The following PARL variants were observed in gnomAD, a reference collection of about 807,000 sequenced individuals.
PARL encodes presenilin-associated rhomboid-like protein, mitochondrial.
Under a neutral mutation model 51.6 loss-of-function variants are expected in PARL, and 44 were observed. That is an observed-to-expected ratio of 0.85 (90% CI 0.67 to 1.10). The LOEUF is 1.10. Among genes scored for constraint, PARL ranks in the 50% least tolerant of loss-of-function variants. The pLI is 0.00. For synonymous variants in PARL, 172 were observed against 164.0 expected (o/e 1.05, Z -0.37); for missense variants, 441 against 469.5 (o/e 0.94, Z 0.56).
At chr3:183,879,633 A>C in intron 1 of PARL, 1 of 504,204 alleles carries the variant, frequency 2.0e-6, no homozygotes, top group Non-Finnish European at 2.6e-6. Context: ...TTCTATTGGA[A>C]TAAGGATGCT....
At chr3:183,878,151 C>T (rs1339363733) in intron 1 of PARL, among the ~76,000 whole-genome samples, 2 of 152,158 alleles carry the variant, frequency 1.3e-5, no homozygotes, top group South Asian at 2.1e-4. Flanking sequence ...TTCACTCGTA[C>T]CTGGAGCCTT....
At chr3:183,866,579 T>C (rs759417095) in intron 3 of PARL, 46 bp downstream of exon 3, 1 of 1,553,798 alleles carries the variant, frequency 6.4e-7, no homozygotes, top group Non-Finnish European at 8.9e-7. Flanking sequence ...ATCAGTTTTT[T>C]AAAACCGTGA....
In PARL at chr3:183,873,940, T is replaced by C. The variant is rs115200469; in HGVS notation, c.126-5880A>G. On this transcript the variant is annotated intron_variant, in intron 1 of 9. Coordinates refer to ENST00000317096, the MANE Select transcript of PARL (RefSeq NM_018622.7). Reference sequence around the variant, plus strand: ...TTCAGAACTTATCAGTAGGTACACATACTGAATACATCACACACAGGCATA... The same window carrying C: ...TTCAGAACTTATCAGTAGGTACACACACTGAATACATCACACACAGGCATA... Among the ~76,000 whole-genome samples, 327 of 152,282 alleles carry C rather than the reference T, an allele frequency of 2.1e-3. 2 individuals carry two copies. Among genetic ancestry groups the C allele is most frequent in the African/African-American group, 7.6e-3 (316 of 41,558 alleles).
intron 1 of PARL, among the ~76,000 whole-genome samples, chr3:183,876,576 TTTC>T (rs1255381885): frequency 7.1e-6 from 1 of 141,286 alleles, no homozygotes; most frequent in African/African-American, 2.7e-5. Flanking sequence ...AGAAATATAT[TTTC>T]TTTTTTTATT....
At chr3:183,839,243 T>C (rs749135730) in intron 7 of PARL, among the ~76,000 whole-genome samples, 19 of 152,184 alleles carry the variant, frequency 1.2e-4, no homozygotes, top group Admixed American at 1.3e-4. Context: ...CTTTTCAAAA[T>C]TGACCTTTTT....
intron 4 of PARL, among the ~76,000 whole-genome samples, chr3:183,852,796 T>C (rs1730698295): frequency 6.6e-6 from 1 of 152,180 alleles, no homozygotes; most frequent in African/African-American, 2.4e-5. Flanking sequence ...TTGTAGTTGC[T>C]GATAGAAAAG....
At chr3:183,871,771 T>C (rs1733245251) in intron 1 of PARL, among the ~76,000 whole-genome samples, 1 of 152,138 alleles carries the variant, frequency 6.6e-6, no homozygotes, top group Admixed American at 6.6e-5. Flanking sequence ...ATGACGGCCA[T>C]CTTTATCTTG....
intron 1 of PARL, among the ~76,000 whole-genome samples, chr3:183,875,076 A>G (rs1043358969): frequency 4.6e-5 from 7 of 152,176 alleles, no homozygotes; most frequent in African/African-American, 1.7e-4. Flanking sequence ...TGTATCAACA[A>G]CAGCAAAACT....
At chr3:183,881,440 G>C (rs1042788975) in intron 1 of PARL, among the ~76,000 whole-genome samples, 3 of 152,218 alleles carry the variant, frequency 2.0e-5, no homozygotes, top group African/African-American at 7.2e-5. Context: ...GTTTTTAAGA[G>C]TGCAACGGTA....
chr3:183,839,075 G>A (rs534117875), intron 7 of PARL, among the ~76,000 whole-genome samples: 4 of 152,160 alleles, frequency 2.6e-5, no homozygotes, highest in Admixed American at 6.6e-5. Context: ...ATATCAGAGC[G>A]AAATTGTATA....
At chr3:183,860,433 A>T (rs1300766561) in intron 4 of PARL, among the ~76,000 whole-genome samples, 1 of 152,242 alleles carries the variant, frequency 6.6e-6, no homozygotes, top group Non-Finnish European at 1.5e-5. Context: ...CACTTGGATA[A>T]TCTAACAATA....
chr3:183,876,908 T>G (rs936578381), intron 1 of PARL, among the ~76,000 whole-genome samples: 2 of 152,006 alleles, frequency 1.3e-5, no homozygotes, highest in Admixed American at 6.6e-5. Flanking sequence ...GCAGATGCGG[T>G]AGAAATAGAA....
intron 3 of PARL, 65 bp from the exon 4 acceptor site, chr3:183,862,866 A>G: frequency 7.9e-7 from 1 of 1,264,288 alleles, no homozygotes. Context: ...ATGAAAAACC[A>G]GAAGAAAATG....
At chr3:183,848,174 G>C (rs1730170145) in intron 4 of PARL, among the ~76,000 whole-genome samples, 1 of 152,232 alleles carries the variant, frequency 6.6e-6, no homozygotes, top group African/African-American at 2.4e-5. Context: ...TAGCAAACCA[G>C]GGTGTATTTA....
chr3:183,836,898 G>A (rs1728666778), intron 7 of PARL, among the ~76,000 whole-genome samples: 1 of 152,042 alleles, frequency 6.6e-6, no homozygotes, highest in Non-Finnish European at 1.5e-5. Context: ...ACACCACCAT[G>A]CCCAGCTAAT....
At chr3:183,828,764 A>C (rs1727602409), downstream of PARL, among the ~76,000 whole-genome samples, 1 of 152,200 alleles carries the variant, frequency 6.6e-6, no homozygotes, top group African/African-American at 2.4e-5. Context: ...CAAAGCTGCA[A>C]GACTTGGTAT....
chr3:183,846,070 C>T (rs1264746330), intron 4 of PARL, among the ~76,000 whole-genome samples: 2 of 152,112 alleles, frequency 1.3e-5, no homozygotes, highest in East Asian at 3.9e-4. Context: ...GTTCCATGGG[C>T]AACTTCCTCA....
chr3:183,859,693 A>G (rs146674976), intron 4 of PARL, among the ~76,000 whole-genome samples: 91 of 152,302 alleles, frequency 6.0e-4, no homozygotes, highest in African/African-American at 2.1e-3. Flanking sequence ...AAAATAAATT[A>G]TGGGTATGCC....
At chr3:183,863,267 G>C (rs1318387512) in intron 3 of PARL, among the ~76,000 whole-genome samples, 1 of 152,052 alleles carries the variant, frequency 6.6e-6, no homozygotes, top group Non-Finnish European at 1.5e-5. Context: ...TTAATAAAAA[G>C]AGGAGGGTCC....
Sources: allele counts gnomAD v4.1 joint callset (sites outside exome capture counted in the v4.1 genomes callset), GRCh38; gene constraint gnomAD v4.1.1; transcripts MANE v1.5; gene names NCBI Gene and HGNC (gene_info 2026-07-23, HGNC 2026-07-21).